Variants in IFT56 observed in about 807,000 individuals in gnomAD.
The protein encoded by IFT56 is intraflagellar transport protein 56.
the IFT56 span, among the ~76,000 whole-genome samples, chr7:139,188,248 G>A: frequency 2.0e-5 from 3 of 151,616 alleles, no homozygotes; most frequent in East Asian, 3.9e-4. Flanking sequence ...TTACAGGCAC[G>A]TGCCACCATG....
the IFT56 span, among the ~76,000 whole-genome samples, chr7:139,181,940 A>G: frequency 6.6e-6 from 1 of 152,252 alleles, no homozygotes; most frequent in Non-Finnish European, 1.5e-5. Flanking sequence ...AAACAGTGAG[A>G]TTACCCAAGT....
chr7:139,175,989 C>T, the IFT56 span, among the ~76,000 whole-genome samples: 3 of 151,638 alleles, frequency 2.0e-5, no homozygotes, highest in African/African-American at 4.8e-5. Flanking sequence ...GCACCACGCC[C>T]GGTATTTTTA....
chr7:139,179,801 A>G, the IFT56 span, among the ~76,000 whole-genome samples: 1 of 152,212 alleles, frequency 6.6e-6, no homozygotes, highest in African/African-American at 2.4e-5. Context: ...AATGCTACTC[A>G]GTAAGAGTTG....
At chr7:139,184,483 A>G in the IFT56 span, among the ~76,000 whole-genome samples, 1 of 152,188 alleles carries the variant, frequency 6.6e-6, no homozygotes, top group Non-Finnish European at 1.5e-5. Flanking sequence ...TATATGTAAC[A>G]TTCTTGAAAT....
chr7:139,177,938 A>G, the IFT56 span, among the ~76,000 whole-genome samples: 1 of 152,092 alleles, frequency 6.6e-6, no homozygotes, highest in Non-Finnish European at 1.5e-5. Context: ...AGCCCTGAAA[A>G]ATGACCTGGG....
chr7:139,179,259 A>G, the IFT56 span, among the ~76,000 whole-genome samples: 1 of 152,204 alleles, frequency 6.6e-6, no homozygotes, highest in Non-Finnish European at 1.5e-5. Context: ...GGCATGTGCC[A>G]TTTGTTGAGG....
At chr7:139,172,597 G>T in the IFT56 span, 1 of 583,084 alleles carries the variant, frequency 1.7e-6, no homozygotes, top group African/African-American at 1.9e-5. Context: ...AGTAATCACG[G>T]TATTCTGCTA....
the IFT56 span, chr7:139,190,233 T>C: frequency 1.3e-5 from 2 of 152,058 alleles, no homozygotes; most frequent in African/African-American, 2.4e-5. Flanking sequence ...TTTTTGTTGT[T>C]GTTGTTGTTG....
the IFT56 span, among the ~76,000 whole-genome samples, chr7:139,159,632 A>T: frequency 2.0e-5 from 3 of 152,210 alleles, no homozygotes; most frequent in Non-Finnish European, 4.4e-5. Context: ...AAATGCAGAT[A>T]CAGATGTGAC....
chr7:139,182,700 G>A, the IFT56 span, among the ~76,000 whole-genome samples: 2 of 152,146 alleles, frequency 1.3e-5, no homozygotes, highest in Non-Finnish European at 2.9e-5. Context: ...AGTAAATGGG[G>A]TGAGGAACCT....
At chr7:139,137,915 G>A in the IFT56 span, 2 of 1,613,246 alleles carry the variant, frequency 1.2e-6, no homozygotes, top group Non-Finnish European at 1.7e-6. Context: ...CCTTTCACCT[G>A]GGTGACTACA....
At chr7:139,166,289 T>A in the IFT56 span, among the ~76,000 whole-genome samples, 1 of 152,142 alleles carries the variant, frequency 6.6e-6, no homozygotes, top group African/African-American at 2.4e-5. Flanking sequence ...AAGAAATATG[T>A]TTTGGACAAG....
the IFT56 span, among the ~76,000 whole-genome samples, chr7:139,182,876 A>C: frequency 6.6e-6 from 1 of 152,208 alleles, no homozygotes; most frequent in East Asian, 1.9e-4. Context: ...CAAATCTGCA[A>C]CTGGATAGAA....
chr7:139,153,681 A>G, the IFT56 span, among the ~76,000 whole-genome samples: 17 of 152,322 alleles, frequency 1.1e-4, no homozygotes, highest in African/African-American at 4.1e-4. Context: ...TTTTATGACC[A>G]AATAATATTT....
At chr7:139,170,501 T>C in the IFT56 span, among the ~76,000 whole-genome samples, 1 of 152,204 alleles carries the variant, frequency 6.6e-6, no homozygotes, top group Non-Finnish European at 1.5e-5. Context: ...AAAAAGATCA[T>C]TCATCATGAC....
chr7:139,140,880 T>C, the IFT56 span, among the ~76,000 whole-genome samples: 1 of 151,608 alleles, frequency 6.6e-6, no homozygotes, highest in Non-Finnish European at 1.5e-5. Flanking sequence ...GAAGAATGTA[T>C]TTGAGGTAAA....
the IFT56 span, among the ~76,000 whole-genome samples, chr7:139,161,798 A>G: frequency 2.6e-5 from 4 of 152,068 alleles, no homozygotes; most frequent in Admixed American, 2.6e-4. Flanking sequence ...TCCATTTCTT[A>G]TCTAATTCAG....
At chr7:139,180,883 A>G in the IFT56 span, among the ~76,000 whole-genome samples, 2 of 152,136 alleles carry the variant, frequency 1.3e-5, no homozygotes, top group African/African-American at 2.4e-5. Flanking sequence ...TGAAAGACAT[A>G]ATTATGTGAC....
the IFT56 span, chr7:139,166,808 C>T: frequency 5.2e-6 from 7 of 1,333,926 alleles, no homozygotes; most frequent in Non-Finnish European, 7.5e-6. Context: ...TTCTGGAATA[C>T]AGACTAGTAT....
Sources: allele counts gnomAD v4.1 joint callset (sites outside exome capture counted in the v4.1 genomes callset), GRCh38; gene constraint gnomAD v4.1.1; transcripts MANE v1.5; gene names NCBI Gene and HGNC (gene_info 2026-07-23, HGNC 2026-07-21).